The following ADGRL2 variants were observed in gnomAD, a reference collection of about 807,000 sequenced individuals.
The protein encoded by ADGRL2 is adhesion G protein-coupled receptor L2, also known as calcium-independent alpha-latrotoxin receptor 2.
ADGRL2 carries 44 observed loss-of-function variants against 157.4 expected under a neutral mutation model. The observed-to-expected ratio is 0.28, with a 90% CI of 0.22 to 0.36. The LOEUF (loss-of-function observed/expected upper bound fraction) is 0.36, where lower values mean the gene tolerates loss of function less well. Ranked by LOEUF, ADGRL2 falls within the 10% of genes least tolerant of loss-of-function variation. The probability of loss-of-function intolerance (pLI) is 1.00; values close to 1 mark genes in which losing one functional copy is unlikely to be tolerated. For missense variants in ADGRL2, 1,510 were observed against 1,768.9 expected, an observed-to-expected ratio of 0.85 and a Z score of 2.63; for synonymous variants, 585 against 624.7, an observed-to-expected ratio of 0.94 and a Z score of 0.95.
At chr1:81,936,174 T>G (rs1464904842) in intron 3 of ADGRL2, among the ~76,000 whole-genome samples, 1 of 151,912 alleles carries the variant, frequency 6.6e-6, no homozygotes, top group Non-Finnish European at 1.5e-5. Context: ...CTAGCTTAGT[T>G]TCTGGTATTC....
chr1:81,451,423 T>C (rs925531022), intron 2 of ADGRL2, among the ~76,000 whole-genome samples: 6 of 152,204 alleles, frequency 3.9e-5, no homozygotes, highest in Admixed American at 3.3e-4. Context: ...TCAAAACATA[T>C]GAAGAAGCAA....
chr1:81,488,059 C>T (rs1021023327), intron 2 of ADGRL2, among the ~76,000 whole-genome samples: 5 of 152,142 alleles, frequency 3.3e-5, no homozygotes, highest in Non-Finnish European at 7.3e-5. Context: ...CCCTGCCCCC[C>T]GCCCGACTCT....
intron 2 of ADGRL2, among the ~76,000 whole-genome samples, chr1:81,571,870 G>A (rs1223950553): frequency 6.6e-6 from 1 of 152,138 alleles, no homozygotes; most frequent in African/African-American, 2.4e-5. Flanking sequence ...TTTGTTGAAT[G>A]AATTTCCACA....
intron 2 of ADGRL2, among the ~76,000 whole-genome samples, chr1:81,783,017 T>A (rs1488934870): frequency 6.6e-6 from 1 of 152,230 alleles, no homozygotes; most frequent in African/African-American, 2.4e-5. Context: ...GTTGGAAATC[T>A]GTAATAGCTC....
intron 2 of ADGRL2, among the ~76,000 whole-genome samples, chr1:81,488,536 CAAAA>C (rs35800238): frequency 8.7e-5 from 12 of 138,668 alleles, no homozygotes; most frequent in African/African-American, 2.6e-4. Context: ...CCTGTCTCTA[CAAAA>C]AAAAAAAAAA....
chr1:81,752,553 T>C (rs2085524129), intron 1 of ADGRL2, among the ~76,000 whole-genome samples: 1 of 152,230 alleles, frequency 6.6e-6, no homozygotes, highest in Non-Finnish European at 1.5e-5. Flanking sequence ...CCTCCTTTTT[T>C]TGAAACAAGA....
At chr1:81,683,198 A>T (rs1290264341) in intron 3 of ADGRL2, among the ~76,000 whole-genome samples, 4 of 152,226 alleles carry the variant, frequency 2.6e-5, no homozygotes, top group Admixed American at 1.3e-4. Flanking sequence ...GAATGTGCAT[A>T]TTTCTCAGAA....
intron 3 of ADGRL2, among the ~76,000 whole-genome samples, chr1:81,607,608 C>T (rs1299406372): frequency 6.6e-6 from 1 of 152,140 alleles, no homozygotes; most frequent in Non-Finnish European, 1.5e-5. Context: ...AGAAAGAACA[C>T]CTTTCCTTTG....
At chr1:81,321,190 A>G (rs1660475247) in intron 1 of ADGRL2, among the ~76,000 whole-genome samples, 2 of 152,284 alleles carry the variant, frequency 1.3e-5, no homozygotes, top group South Asian at 4.1e-4. Context: ...ATAAAATTGA[A>G]GAGAGTTAAG....
chr1:81,895,928 T>C (rs1010926345), intron 2 of ADGRL2, among the ~76,000 whole-genome samples: 1 of 152,154 alleles, frequency 6.6e-6, no homozygotes, highest in Non-Finnish European at 1.5e-5. Context: ...TACCTAGCAA[T>C]GTTGGAGTGA....
intron 1 of ADGRL2, among the ~76,000 whole-genome samples, chr1:81,706,465 G>A (rs967588506): frequency 2.6e-5 from 4 of 152,122 alleles, no homozygotes; most frequent in African/African-American, 9.7e-5. Flanking sequence ...AGTGTTTTAG[G>A]TGCCAGAGCT....
intron 2 of ADGRL2, among the ~76,000 whole-genome samples, chr1:81,479,966 T>C (rs1167430214): frequency 6.6e-6 from 1 of 152,368 alleles, no homozygotes; most frequent in African/African-American, 2.4e-5. Context: ...CATTATCTAA[T>C]ATAGTTTTCA....
rs182157235 is a variant in ADGRL2 at position 81,671,805 on chromosome 1, G to A, written c.-142-90006G>A. On this transcript the variant is annotated intron_variant, in intron 3 of 24. Transcript: ENST00000370721. ...TGGGATTACAGGTGTGAGCCACCAC[G>A]CCCAGCCCTGAGATTCTGAAATTCT... 2.8e-3 allele frequency among the ~76,000 whole-genome samples: 420 copies of A among 152,266 alleles called. 2 individuals carry two copies. The highest frequency in any genetic ancestry group is 9.6e-3 in the African/African-American group (397 of 41,556).
At chr1:81,923,913 AC>A (rs2095045679) in intron 3 of ADGRL2, among the ~76,000 whole-genome samples, 1 of 152,188 alleles carries the variant, frequency 6.6e-6, no homozygotes, top group Non-Finnish European at 1.5e-5. Flanking sequence ...TAAGAAGTTT[AC>A]CGTGTAATTC....
intron 1 of ADGRL2, among the ~76,000 whole-genome samples, chr1:81,741,773 T>C (rs988032501): frequency 1.3e-5 from 2 of 151,998 alleles, no homozygotes; most frequent in Non-Finnish European, 2.9e-5. Context: ...TGCCTCAGAA[T>C]TTCAAAATTC....
intron 9 of ADGRL2, among the ~76,000 whole-genome samples, chr1:81,952,388 A>G (rs770774690): frequency 5.3e-5 from 8 of 152,140 alleles, no homozygotes; most frequent in African/African-American, 1.7e-4. Flanking sequence ...AACTTTATCT[A>G]TCTGATTGTG....
chr1:81,609,071 G>C (rs919593789), intron 3 of ADGRL2, among the ~76,000 whole-genome samples: 4 of 150,470 alleles, frequency 2.7e-5, no homozygotes, highest in Non-Finnish European at 5.9e-5. Context: ...CAGAGTTCTC[G>C]CTCTGTCACC....
At chr1:81,390,902 T>C (rs1414301127) in intron 1 of ADGRL2, among the ~76,000 whole-genome samples, 1 of 152,300 alleles carries the variant, frequency 6.6e-6, no homozygotes, top group African/African-American at 2.4e-5. Flanking sequence ...ACACACCCAT[T>C]ACATTAGCAG....
At chr1:81,486,322 T>C (rs2078499514) in intron 2 of ADGRL2, among the ~76,000 whole-genome samples, 1 of 152,184 alleles carries the variant, frequency 6.6e-6, no homozygotes, top group African/African-American at 2.4e-5. Flanking sequence ...ATTTTCATCT[T>C]TCTATTTTGA....
Sources: allele counts gnomAD v4.1 joint callset (sites outside exome capture counted in the v4.1 genomes callset), GRCh38; gene constraint gnomAD v4.1.1; transcripts MANE v1.5; gene names NCBI Gene and HGNC (gene_info 2026-07-23, HGNC 2026-07-21).